Variants in SERBP1 observed in about 807,000 individuals in gnomAD.
The protein encoded by SERBP1 is SERPINE1 mRNA binding protein 1, also known as SERPINE1 mRNA-binding protein 1.
SERBP1 carries 6 observed loss-of-function variants against 50.2 expected under a neutral mutation model. That is an observed-to-expected ratio of 0.12 (90% CI 0.07 to 0.24). The LOEUF is 0.24. Among genes scored for constraint, SERBP1 ranks in the 10% least tolerant of loss-of-function variants. The pLI is 1.00. For synonymous variants in SERBP1, 168 were observed against 182.8 expected (o/e 0.92, Z 0.65); for missense variants, 346 against 524.9 (o/e 0.66, Z 3.33).
intron 6 of SERBP1, among the ~76,000 whole-genome samples, chr1:67,418,396 C>T (rs1192305123): frequency 6.6e-6 from 1 of 152,120 alleles, no homozygotes; most frequent in Non-Finnish European, 1.5e-5. Flanking sequence ...AACTTTTAAT[C>T]TTTTTAACCT....
intron 1 of SERBP1, among the ~76,000 whole-genome samples, chr1:67,426,634 T>C (rs907286130): frequency 5.3e-5 from 8 of 152,248 alleles, no homozygotes; most frequent in East Asian, 1.9e-4. Context: ...CTTTCCAAGA[T>C]AGTCTCTTAA....
intron 4 of SERBP1, 76 bp downstream of exon 4, chr1:67,424,812 G>C: frequency 2.8e-6 from 3 of 1,082,658 alleles, no homozygotes; most frequent in Admixed American, 1.8e-5. Flanking sequence ...TTATCTCAGA[G>C]ACAAGTAAAA....
rs1666807500 is a variant in SERBP1, at chr1:67,410,699, G to T, written c.*2508C>A. ...CTTTAGGAATCTTTATCTGTTTAGG[G>T]ATTTTTCCCCTAGACTATTATAGCC... is the stretch of plus-strand genomic sequence containing the variant. On this transcript the variant is annotated 3_prime_UTR_variant, in exon 8 of 8. Transcript: ENST00000361219. 1 of 152,158 alleles carries T rather than the reference G, an allele frequency of 6.6e-6. No individual in the cohort carries two copies. Among genetic ancestry groups the T allele is most frequent in the East Asian group, 1.9e-4 (1 of 5,196 alleles). 9.4% of individuals were successfully genotyped at this position (152,158 alleles called of 1,614,324 possible). A position where few individuals can be genotyped will look rare whatever the true frequency, so the allele number is the denominator to read the frequency against.
At chr1:67,425,583 AT>A (rs1667342882) in intron 2 of SERBP1, among the ~76,000 whole-genome samples, 1 of 152,210 alleles carries the variant, frequency 6.6e-6, no homozygotes, top group Admixed American at 6.5e-5. Flanking sequence ...AACCAACAGT[AT>A]TTTCCTTCAA....
At chr1:67,417,971 G>GTTTTTTTTTTTTT (rs397861816) in intron 6 of SERBP1, among the ~76,000 whole-genome samples, 2 of 76,798 alleles carry the variant, frequency 2.6e-5, no homozygotes, top group African/African-American at 5.5e-5. Flanking sequence ...TTAAAGTGTT[G>GTTTTTTTTTTTTT]TTTTTTTTTT....
At chr1:67,426,989 T>A (rs1022191900) in intron 1 of SERBP1, among the ~76,000 whole-genome samples, 1 of 152,192 alleles carries the variant, frequency 6.6e-6, no homozygotes, top group African/African-American at 2.4e-5. Context: ...TCTTCCCCTA[T>A]TAAAGTTTAA....
At position 67,412,621 on chromosome 1, in the gene SERBP1, TATC is replaced by T. The variant is rs1212509517; in HGVS notation, c.*583_*585del. The T allele has an allele frequency of 6.5e-6, 1 of 152,736 alleles. No homozygotes were observed. Among genetic ancestry groups the T allele is most frequent in the Non-Finnish European group, 1.5e-5 (1 of 68,112 alleles). 9.5% of individuals were successfully genotyped at this position (152,736 alleles called of 1,614,324 possible). A position where few individuals can be genotyped will look rare whatever the true frequency, so the allele number is the denominator to read the frequency against. On this transcript the variant is annotated 3_prime_UTR_variant, in exon 8 of 8. Transcript: ENST00000361219. ...AGATTTAGCATATATATATAACAGC[TATC>T]ATGAGAAGTGAAAAAAGATTTTTCC...
At chr1:67,413,813 T>C (rs1255532775) in intron 7 of SERBP1, among the ~76,000 whole-genome samples, 1 of 151,862 alleles carries the variant, frequency 6.6e-6, no homozygotes, top group Non-Finnish European at 1.5e-5. Flanking sequence ...GTTTTCTTTT[T>C]CTCTTTTTTT....
In SERBP1 at chr1:67,410,736, CA is replaced by C; in HGVS notation, c.*2470del. Reference sequence around the variant, plus strand: ...AGACTATTATAGCCAGTTTGTCAATCAAAAGTAGCATTCAGTATGCTTAACT... The same window carrying C: ...AGACTATTATAGCCAGTTTGTCAATCAAAGTAGCATTCAGTATGCTTAACT... On this transcript the variant is annotated 3_prime_UTR_variant, in exon 8 of 8. Transcript: ENST00000361219. The C allele has an allele frequency of 1.3e-5, 2 of 152,232 alleles. 1 individual carries two copies. The allele number at this position is 152,232 out of a possible 1,614,324, so 9.4% of individuals were successfully genotyped here. A position where few individuals can be genotyped will look rare whatever the true frequency, so the allele number is the denominator to read the frequency against.
rs1372033149 is a variant in SERBP1, at chr1:67,411,822, G to GT, written c.*1384dup. 1 of 152,106 alleles carries GT rather than the reference G, an allele frequency of 6.6e-6. No individual in the cohort carries two copies. The highest frequency in any genetic ancestry group is 2.4e-5 in the African/African-American group (1 of 41,438). 9.4% of individuals were successfully genotyped at this position (152,106 alleles called of 1,614,324 possible). A position where few individuals can be genotyped will look rare whatever the true frequency, so the allele number is the denominator to read the frequency against. Reference sequence around the variant, plus strand: ...AAAATTTTTTAAAAATTCCTTCACTGTTTATCAATAAATGTGGCAGAATAA... The same window carrying GT: ...AAAATTTTTTAAAAATTCCTTCACTGTTTTATCAATAAATGTGGCAGAATAA... On this transcript the variant is annotated 3_prime_UTR_variant, in exon 8 of 8. Coordinates refer to ENST00000361219, the MANE Select transcript of SERBP1 (RefSeq NM_001018069.2).
At chr1:67,416,288 C>T (rs2100416752) in intron 6 of SERBP1, among the ~76,000 whole-genome samples, 2 of 152,340 alleles carry the variant, frequency 1.3e-5, no homozygotes, top group South Asian at 2.1e-4. Flanking sequence ...GCTGGGACTA[C>T]AGGCATGAGC....
intron 5 of SERBP1, chr1:67,420,456 G>A: frequency 3.3e-6 from 1 of 303,940 alleles, no homozygotes; most frequent in Non-Finnish European, 6.0e-6. Flanking sequence ...ATCTAGAACT[G>A]GCTTTACGAA....
At chr1:67,426,014 C>T (rs1391845506) in intron 2 of SERBP1, 121 bp downstream of exon 2, 4 of 809,006 alleles carry the variant, frequency 4.9e-6, no homozygotes, top group African/African-American at 1.8e-5. Flanking sequence ...CAAGAGGAGA[C>T]TGAGATGAGA....
In SERBP1 at chr1:67,408,657, A is replaced by G. The variant is rs761620597; in HGVS notation, c.*4550T>C. ...TGGAATTTACCTATATGAAGTGTTCATAATTCTCATCTCATAGAAAAACCT... is the reference window on the plus strand; with the variant it reads ...TGGAATTTACCTATATGAAGTGTTCGTAATTCTCATCTCATAGAAAAACCT... On this transcript the variant is annotated 3_prime_UTR_variant, in exon 8 of 8. Transcript: ENST00000361219. The G allele has an allele frequency of 1.3e-5, 2 of 152,080 alleles. No homozygotes were observed. Among genetic ancestry groups the G allele is most frequent in the Non-Finnish European group, 2.9e-5 (2 of 68,020 alleles). 9.4% of individuals were successfully genotyped at this position (152,080 alleles called of 1,614,324 possible).
At chr1:67,422,568 A>G (rs1419778962) in intron 5 of SERBP1, among the ~76,000 whole-genome samples, 1 of 151,880 alleles carries the variant, frequency 6.6e-6, no homozygotes, top group Admixed American at 6.6e-5. Flanking sequence ...CCACCCCCCA[A>G]CTAACTTGAA....
At position 67,430,310 on chromosome 1, in the gene SERBP1, T is replaced by C; in HGVS notation, c.-10A>G. The C allele has an allele frequency of 6.7e-7, 1 of 1,485,752 alleles. No homozygotes were observed. The highest frequency in any genetic ancestry group is 2.5e-5 in the East Asian group (1 of 40,036). The allele number at this position is 1,485,752 out of a possible 1,614,324, so 92.0% of individuals were successfully genotyped here. A position where few individuals can be genotyped will look rare whatever the true frequency, so the allele number is the denominator to read the frequency against. ...GTAAGTGCCCAGGCATGATGGTGGCTCGGCGGCGCGTTCCTCCACGGATTG... is the reference window on the plus strand; with the variant it reads ...GTAAGTGCCCAGGCATGATGGTGGCCCGGCGGCGCGTTCCTCCACGGATTG... On this transcript the variant is annotated 5_prime_UTR_variant, in exon 1 of 8. Coordinates refer to ENST00000361219, the MANE Select transcript of SERBP1 (RefSeq NM_001018069.2).
At chr1:67,414,583 C>T (rs1157163570) in intron 7 of SERBP1, among the ~76,000 whole-genome samples, 1 of 152,218 alleles carries the variant, frequency 6.6e-6, no homozygotes, top group Non-Finnish European at 1.5e-5. Flanking sequence ...CAAAATATTT[C>T]TCTAAGAACT....
intron 1 of SERBP1, among the ~76,000 whole-genome samples, chr1:67,428,735 C>CA (rs34354137): frequency 0.13 from 11,187 of 85,546 alleles, 1,195 homozygotes; most frequent in African/African-American, 0.31. Flanking sequence ...CAAAAGTCCT[C>CA]AAAAAAAAAA....
In SERBP1 at chr1:67,415,217, T is replaced by A. The variant is rs778722781; in HGVS notation, c.1074A>T (p.Arg358=). The change falls in exon 7 of 8, where the codon CGA becomes CGT. Residue 358 remains arginine, a synonymous_variant. Transcript: ENST00000361219. ...GGCGCCCACCACGCCCACGTCCACCTCGTCCTCCCCTGCCGCCACGTCCTG... is the reference window on the plus strand; with the variant it reads ...GGCGCCCACCACGCCCACGTCCACCACGTCCTCCCCTGCCGCCACGTCCTG... The part of the protein sequence containing the change: ...GRPGRGGRGG[R]GGRGRGGRPN... 1.2e-6 allele frequency: 2 copies of A among 1,612,352 alleles called. No individual in the cohort carries two copies. The highest frequency in any genetic ancestry group is 2.7e-5 in the African/African-American group (2 of 74,840).
Sources: gnomAD v4.1 joint callset for allele counts (sites outside exome capture counted in the v4.1 genomes callset) on GRCh38, gnomAD v4.1.1 for gene constraint, MANE v1.5 for transcripts, NCBI Gene and HGNC (gene_info 2026-07-23, HGNC 2026-07-21) for gene names.